CPSF2: variants seen among roughly 807,000 people sequenced by gnomAD.
CPSF2 encodes cleavage and polyadenylation specificity factor subunit 2.
A neutral mutation model predicts 84.2 loss-of-function variants in CPSF2; 51 were observed. The ratio of observed to expected loss-of-function variants is 0.61; its 90% CI spans 0.48 to 0.77. The LOEUF is 0.77. Ranked by LOEUF, CPSF2 falls within the 30% of genes least tolerant of loss-of-function variation. The pLI is 0.00. For synonymous variants in CPSF2, 286 were observed against 311.9 expected (o/e 0.92, Z 0.87); for missense variants, 641 against 929.4 (o/e 0.69, Z 4.03).
chr14:92,147,936 G>A (rs188479574), intron 9 of CPSF2, among the ~76,000 whole-genome samples: 4 of 152,318 alleles, frequency 2.6e-5, no homozygotes, highest in Admixed American at 2.0e-4. Context: ...TGTTGCCCAA[G>A]CTGGTCTTGA....
rs1335552703 is a variant in CPSF2 at position 92,169,141 on chromosome 14, CTG to C, written c.*7400_*7401del. The C allele has an allele frequency of 6.6e-6, 1 of 152,186 alleles. No individual in the cohort carries two copies. The highest frequency in any genetic ancestry group is 1.5e-5 in the Non-Finnish European group (1 of 68,034). The allele number at this position is 152,186 out of a possible 1,614,324, so 9.4% of individuals were successfully genotyped here. ...ACAGTCAAAACTATCAGACGTAACT[CTG>C]TGGGAAACTTTATTCCAAGGGTGCT... On this transcript the variant is annotated 3_prime_UTR_variant, in exon 16 of 16. Coordinates refer to ENST00000298875, the MANE Select transcript of CPSF2 (RefSeq NM_017437.3).
intron 14 of CPSF2, among the ~76,000 whole-genome samples, chr14:92,159,566 T>C (rs1186151962): frequency 6.6e-6 from 1 of 152,164 alleles, no homozygotes; most frequent in Non-Finnish European, 1.5e-5. Flanking sequence ...GGCATGCACC[T>C]GTAATCTCAG....
At position 92,164,776 on chromosome 14, in the gene CPSF2, GA is replaced by G. The variant is rs2069421749; in HGVS notation, c.*3033del. 2 of 152,134 alleles carry G rather than the reference GA, an allele frequency of 1.3e-5. No individual in the cohort carries two copies. Among genetic ancestry groups the G allele is most frequent in the Non-Finnish European group, 2.9e-5 (2 of 68,030 alleles). 9.4% of individuals were successfully genotyped at this position (152,134 alleles called of 1,614,324 possible). A position where few individuals can be genotyped will look rare whatever the true frequency, so the allele number is the denominator to read the frequency against. On this transcript the variant is annotated 3_prime_UTR_variant, in exon 16 of 16. Coordinates refer to ENST00000298875, the MANE Select transcript of CPSF2 (RefSeq NM_017437.3). The stretch of plus-strand genomic sequence containing the variant: ...CCATTTGGCTTTTTTAAAAAATTGA[GA>G]TTCAACTTACATACCATAAAGTTCA...
chr14:92,133,964 C>A, intron 3 of CPSF2, 47 bp from the exon 4 acceptor site: 7 of 1,593,778 alleles, frequency 4.4e-6, no homozygotes, highest in Non-Finnish European at 6.0e-6. Context: ...TCTGTCTTTA[C>A]CCTTAAAAAG....
intron 9 of CPSF2, among the ~76,000 whole-genome samples, chr14:92,148,637 TTTTA>T (rs1456078947): frequency 6.6e-6 from 1 of 151,938 alleles, no homozygotes; most frequent in Admixed American, 6.6e-5. Flanking sequence ...AATACCTGGT[TTTTA>T]TTTTATTTTT....
intron 1 of CPSF2, among the ~76,000 whole-genome samples, chr14:92,124,220 T>A (rs7151932): frequency 0.4 from 61,082 of 151,996 alleles, 13,134 homozygotes; most frequent in East Asian, 0.84. Flanking sequence ...TTTAGATTTT[T>A]TTCAGTAGTT....
In CPSF2 at chr14:92,161,853, A is replaced by G; in HGVS notation, c.*109A>G. 1 of 640,640 alleles carries G rather than the reference A, an allele frequency of 1.6e-6. No individual in the cohort carries two copies. The allele number at this position is 640,640 out of a possible 1,614,324, so 39.7% of individuals were successfully genotyped here. On this transcript the variant is annotated 3_prime_UTR_variant, in exon 16 of 16. Coordinates refer to ENST00000298875, the MANE Select transcript of CPSF2 (RefSeq NM_017437.3). ...TTGTAACATACAAAAAGAATCTGCCAGAAAAACTTACATGTATCAGATTTT... is the reference window on the plus strand; with the variant it reads ...TTGTAACATACAAAAAGAATCTGCCGGAAAAACTTACATGTATCAGATTTT...
chr14:92,158,754 G>T (rs1172942225), intron 13 of CPSF2, among the ~76,000 whole-genome samples: 1 of 152,150 alleles, frequency 6.6e-6, no homozygotes, highest in South Asian at 2.1e-4. Context: ...TAATTGCCAT[G>T]TGATTCCATT....
In CPSF2 at chr14:92,163,507, A is replaced by C. The variant is rs1314532327; in HGVS notation, c.*1763A>C. ...TATATTCCAGGGGAACGAAAATCTG[A>C]ATTTGTTTTATGATTTAAAGCATCT... is the stretch of plus-strand genomic sequence containing the variant. On this transcript the variant is annotated 3_prime_UTR_variant, in exon 16 of 16. Coordinates refer to ENST00000298875, the MANE Select transcript of CPSF2 (RefSeq NM_017437.3). The C allele has an allele frequency of 2.6e-5, 4 of 152,612 alleles. No homozygotes were observed. Among genetic ancestry groups the C allele is most frequent in the South Asian group, 2.1e-4 (1 of 4,832 alleles). 9.5% of individuals were successfully genotyped at this position (152,612 alleles called of 1,614,324 possible). A position where few individuals can be genotyped will look rare whatever the true frequency, so the allele number is the denominator to read the frequency against.
At chr14:92,122,996 A>G (rs1198931556) in intron 1 of CPSF2, among the ~76,000 whole-genome samples, 4 of 151,696 alleles carry the variant, frequency 2.6e-5, no homozygotes, top group African/African-American at 9.7e-5. Context: ...CAACCCCAGT[A>G]TGAAACTGGG....
intron 9 of CPSF2, among the ~76,000 whole-genome samples, chr14:92,146,609 A>G (rs2069147691): frequency 6.6e-6 from 1 of 152,224 alleles, no homozygotes; most frequent in Non-Finnish European, 1.5e-5. Flanking sequence ...ACATTGTTGT[A>G]TGACAGATCT....
chr14:92,140,153 C>T (rs530628117), intron 7 of CPSF2, among the ~76,000 whole-genome samples: 19 of 151,682 alleles, frequency 1.3e-4, no homozygotes, highest in Non-Finnish European at 2.5e-4. Flanking sequence ...GGGGTTTCAC[C>T]ATGTTGGCCA....
At position 92,161,712 on chromosome 14, in the gene CPSF2, G is replaced by C; in HGVS notation, c.2317G>C (p.Asp773His). ...CLCQDFYRIR[D>H]LLYEQYAIV ...TTGTCAAGATTTTTATAGGATAAGA[G>C]ACCTTTTATATGAACAATATGCCAT... The change falls in exon 16 of 16, where the codon GAC (aspartate) becomes CAC (histidine). Residue 773 changes from aspartate (D) to histidine (H), a missense_variant. Physicochemically the swap from Asp to His is moderately conservative, Grantham distance 81. Around this residue, in one of 2 missense-constraint regions of CPSF2, gnomAD observed 430 missense variants for 553.6 expected, o/e 0.78. Coordinates refer to ENST00000298875, the MANE Select transcript of CPSF2 (RefSeq NM_017437.3). 1 of 1,593,668 alleles carries C rather than the reference G, an allele frequency of 6.3e-7. No homozygotes were observed. Among genetic ancestry groups the C allele is most frequent in the East Asian group, 2.3e-5 (1 of 43,592 alleles).
chr14:92,149,242 C>T (rs1055615227), intron 9 of CPSF2, among the ~76,000 whole-genome samples: 1 of 152,120 alleles, frequency 6.6e-6, no homozygotes, highest in Non-Finnish European at 1.5e-5. Flanking sequence ...CATTTTTCAC[C>T]ACCGTACATA....
Position 92,155,421 on chromosome 14 carries a change from T to TA in CPSF2, c.1442+99dup. 1.4e-5 allele frequency: 14 copies of TA among 977,356 alleles called. No individual in the cohort carries two copies. The South Asian group carries it at 1.9e-4, about 13-fold the overall frequency. 60.5% of individuals were successfully genotyped at this position (977,356 alleles called of 1,614,324 possible). ...AATTTGATCTTTCACTTGATCTTTC[T>TA]AGTCACATGTATGGGGTTAGCTTCT... On this transcript the variant is annotated intron_variant, in intron 11 of 15. Coordinates refer to ENST00000298875, the MANE Select transcript of CPSF2 (RefSeq NM_017437.3).
At position 92,171,167 on chromosome 14, in the gene CPSF2, C is replaced by T. The variant is rs936784457; in HGVS notation, c.*9423C>T. 2 of 152,164 alleles carry T rather than the reference C, an allele frequency of 1.3e-5. No individual in the cohort carries two copies. The highest frequency in any genetic ancestry group is 3.9e-4 in the East Asian group (2 of 5,166). The allele number at this position is 152,164 out of a possible 1,614,324, so 9.4% of individuals were successfully genotyped here. A position where few individuals can be genotyped will look rare whatever the true frequency, so the allele number is the denominator to read the frequency against. On this transcript the variant is annotated 3_prime_UTR_variant, in exon 16 of 16. Coordinates refer to ENST00000298875, the MANE Select transcript of CPSF2 (RefSeq NM_017437.3). ...TTTGAGACAGTGTCTTGCTCTGTTG[C>T]CCAGGCTACAGTGCAGTGATGAGAT...
intron 9 of CPSF2, among the ~76,000 whole-genome samples, chr14:92,150,208 G>A (rs558924144): frequency 7.3e-5 from 11 of 150,208 alleles, no homozygotes; most frequent in African/African-American, 1.7e-4. Context: ...TCTACTTCCC[G>A]GGTTCAAGCG....
rs2069485794 is a variant in CPSF2, at chr14:92,169,072, C to A, written c.*7328C>A. On this transcript the variant is annotated 3_prime_UTR_variant, in exon 16 of 16. Coordinates refer to ENST00000298875, the MANE Select transcript of CPSF2 (RefSeq NM_017437.3). ...ATGTATCATAGGTGTTTTCTTTTTT[C>A]TCTGACAATTGTTATGTTAAAAACA... The A allele has an allele frequency of 6.6e-6, 1 of 150,634 alleles. No individual in the cohort carries two copies. Among genetic ancestry groups the A allele is most frequent in the African/African-American group, 2.4e-5 (1 of 41,192 alleles). 9.3% of individuals were successfully genotyped at this position (150,634 alleles called of 1,614,324 possible).
intron 7 of CPSF2, 152 bp downstream of exon 7, chr14:92,138,499 G>C (rs2069030360): frequency 4.6e-6 from 2 of 436,962 alleles, no homozygotes; most frequent in Non-Finnish European, 8.1e-6. Context: ...GCGCGATCTC[G>C]GCTCACTGTA....
Sources: allele counts gnomAD v4.1 joint callset (sites outside exome capture counted in the v4.1 genomes callset), GRCh38; gene constraint gnomAD v4.1.1; regional missense constraint gnomAD v4.1.1; transcripts MANE v1.5; gene names NCBI Gene and HGNC (gene_info 2026-07-23, HGNC 2026-07-21).